Variants in BRAF observed in about 807,000 individuals in gnomAD.
BRAF encodes B-Raf proto-oncogene, serine/threonine kinase, also known as serine/threonine-protein kinase B-raf.
In BRAF, 16 loss-of-function variants were observed where a neutral mutation model predicts 104.6. That is an observed-to-expected ratio of 0.15 (90% CI 0.10 to 0.23). BRAF has a LOEUF of 0.23. BRAF is among the 10% of genes least tolerant of loss of function. The pLI, the probability that BRAF is intolerant of heterozygous loss-of-function variation, is 1.00. For missense variants in BRAF, 541 were observed against 937.3 expected, an observed-to-expected ratio of 0.58 and a Z score of 5.52; for synonymous variants, 310 against 341.6, an observed-to-expected ratio of 0.91 and a Z score of 1.02.
Position 140,724,195 on chromosome 7 carries a change from T to A in BRAF, c.*2299A>T. On this transcript the variant is annotated 3_prime_UTR_variant, in exon 20 of 20. Coordinates refer to ENST00000644969, the MANE Select transcript of BRAF (RefSeq NM_001374258.1). ...AAATGCTAAGCTTCCTCCCTAATGG[T>A]ACCGCCCCTGCCCCTGCCCCACGGA... is the stretch of plus-strand genomic sequence containing the variant. The A allele has an allele frequency of 9.5e-7, 1 of 1,056,298 alleles. No homozygotes were observed. The highest frequency in any genetic ancestry group is 1.1e-6 in the Non-Finnish European group (1 of 873,684). 65.4% of individuals were successfully genotyped at this position (1,056,298 alleles called of 1,614,324 possible). A position where few individuals can be genotyped will look rare whatever the true frequency, so the allele number is the denominator to read the frequency against.
chr7:140,802,238 A>T (rs1373663207), intron 5 of BRAF, among the ~76,000 whole-genome samples: 1 of 150,146 alleles, frequency 6.7e-6, no homozygotes, highest in East Asian at 2.0e-4. Flanking sequence ...TTGCCTAGTG[A>T]TACCTTGAAG....
Position 140,720,727 on chromosome 7 carries a change from T to C in BRAF, c.*5767A>G, listed in dbSNP as rs949736493. The C allele has an allele frequency of 2.6e-4, 279 of 1,065,846 alleles. No individual in the cohort carries two copies. The highest frequency in any genetic ancestry group is 3.1e-4 in the Non-Finnish European group (274 of 879,690). 66.0% of individuals were successfully genotyped at this position (1,065,846 alleles called of 1,614,324 possible). A position where few individuals can be genotyped will look rare whatever the true frequency, so the allele number is the denominator to read the frequency against. Reference sequence around the variant, plus strand: ...CCTACTCTGTGAGCTTTGTTGTTTATGCTAGTTTGCAGTGACTTCCAACTC... The same window carrying C: ...CCTACTCTGTGAGCTTTGTTGTTTACGCTAGTTTGCAGTGACTTCCAACTC... On this transcript the variant is annotated 3_prime_UTR_variant, in exon 20 of 20. Transcript: ENST00000644969.
chr7:140,821,117 AAGT>A (rs1043585913), intron 3 of BRAF, among the ~76,000 whole-genome samples: 49 of 151,902 alleles, frequency 3.2e-4, no homozygotes, highest in African/African-American at 1.2e-3. Context: ...TCAGTCTCCC[AAGT>A]AGCTGGGGCT....
Position 140,777,095 on chromosome 7 carries a change from A to G in BRAF, c.1638-7T>C, listed in dbSNP as rs199745091. 6.2e-6 allele frequency: 10 copies of G among 1,613,512 alleles called. No individual in the cohort carries two copies. Among genetic ancestry groups the G allele is most frequent in the Non-Finnish European group, 8.5e-6 (10 of 1,179,474 alleles). On this transcript the variant is annotated splice_region_variant and splice_polypyrimidine_tract_variant and intron_variant, in intron 13 of 19. Coordinates refer to ENST00000644969, the MANE Select transcript of BRAF (RefSeq NM_001374258.1). ...ATTCACATGTCGTGTTTTCCTGTAC[A>G]AAGAAATGTGACAGTAAACATTAAA...
chr7:140,763,591 C>G (rs1799010817), intron 14 of BRAF, among the ~76,000 whole-genome samples: 1 of 152,084 alleles, frequency 6.6e-6, no homozygotes, highest in Admixed American at 6.5e-5. Context: ...CAAATAGATG[C>G]AATAAAAAAA....
intron 1 of BRAF, among the ~76,000 whole-genome samples, chr7:140,886,119 A>G (rs763205421): frequency 3.9e-5 from 6 of 152,212 alleles, no homozygotes; most frequent in African/African-American, 7.2e-5. Context: ...TGGGCTTGGA[A>G]TAAGTTTATT....
chr7:140,910,265 T>C (rs1254497467), intron 1 of BRAF, among the ~76,000 whole-genome samples: 1 of 152,236 alleles, frequency 6.6e-6, no homozygotes, highest in Non-Finnish European at 1.5e-5. Context: ...CTCCAATTCT[T>C]TGCAAATTCT....
chr7:140,730,933 A>T (rs1795910936), intron 19 of BRAF: 1 of 152,222 alleles, frequency 6.6e-6, no homozygotes, highest in South Asian at 2.1e-4. Flanking sequence ...ATCAATCACT[A>T]CTTGACATTT....
chr7:140,903,880 G>A (rs1815975807), intron 1 of BRAF, among the ~76,000 whole-genome samples: 1 of 152,188 alleles, frequency 6.6e-6, no homozygotes, highest in South Asian at 2.1e-4. Flanking sequence ...ACTACATTTA[G>A]GAGTGGAACC....
Position 140,924,734 on chromosome 7 carries a change from C to A in BRAF, c.-31G>T. 1 of 777,660 alleles carries A rather than the reference C, an allele frequency of 1.3e-6. No individual in the cohort carries two copies. The highest frequency in any genetic ancestry group is 2.1e-6 in the Non-Finnish European group (1 of 481,924). The allele number at this position is 777,660 out of a possible 1,614,324, so 48.2% of individuals were successfully genotyped here. ...AACCGAGAGCCGGGGCCCGAGCGGC[C>A]GCTGTCGGGCGGGGAGGGGGAAGGG... On this transcript the variant is annotated 5_prime_UTR_variant, in exon 1 of 20. Transcript: ENST00000644969. The surrounding 1 kb of genome is among the most constrained non-coding windows in gnomAD (Gnocchi z 4.2).
chr7:140,861,216 G>A (rs1406821775), intron 1 of BRAF, among the ~76,000 whole-genome samples: 2 of 152,154 alleles, frequency 1.3e-5, no homozygotes, highest in African/African-American at 4.8e-5. Context: ...CAAAGAAAAG[G>A]GGTTGTCATT....
intron 19 of BRAF, chr7:140,731,461 G>A (rs754882171): frequency 6.6e-6 from 1 of 152,132 alleles, no homozygotes; most frequent in Non-Finnish European, 1.5e-5. Flanking sequence ...AATCAAATAA[G>A]ACTATAACTG....
At chr7:140,853,309 T>C (rs889282041) in intron 1 of BRAF, among the ~76,000 whole-genome samples, 4 of 151,658 alleles carry the variant, frequency 2.6e-5, no homozygotes, top group African/African-American at 7.3e-5. Flanking sequence ...CCTGGGAAGT[T>C]GAGGCTGCAA....
chr7:140,855,661 T>C (rs987572610), intron 1 of BRAF, among the ~76,000 whole-genome samples: 1 of 151,748 alleles, frequency 6.6e-6, no homozygotes, highest in Non-Finnish European at 1.5e-5. Flanking sequence ...TATATACTTA[T>C]ATATCTTCTA....
intron 18 of BRAF, 36 bp downstream of exon 17, chr7:140,739,776 G>C (rs745516557): frequency 8.1e-6 from 13 of 1,610,238 alleles, no homozygotes; most frequent in African/African-American, 2.7e-5. Flanking sequence ...ATGAATGTTA[G>C]TCTGTTCTTT....
intron 14 of BRAF, chr7:140,758,389 T>A (rs930545458): frequency 3.3e-5 from 5 of 152,182 alleles, no homozygotes; most frequent in Non-Finnish European, 7.3e-5. Flanking sequence ...ATAGGTAAAG[T>A]TCACATATTT....
At chr7:140,753,553 C>T in intron 15 of BRAF, 160 bp from the exon 15 acceptor site, 1 of 566,222 alleles carries the variant, frequency 1.8e-6, no homozygotes, top group Non-Finnish European at 3.1e-6. Context: ...ATAAGTATGT[C>T]TAAAACAATG....
intron 14 of BRAF, among the ~76,000 whole-genome samples, chr7:140,757,390 A>G (rs1326483703): frequency 6.6e-6 from 1 of 152,032 alleles, no homozygotes; most frequent in Non-Finnish European, 1.5e-5. Context: ...CCTAGGTTCA[A>G]GTGATTCTCC....
intron 1 of BRAF, among the ~76,000 whole-genome samples, chr7:140,852,866 C>T (rs1809339371): frequency 6.6e-6 from 1 of 152,176 alleles, no homozygotes; most frequent in African/African-American, 2.4e-5. Flanking sequence ...AGTCTCTTTA[C>T]CTCAGGAAAT....
Sources: allele counts gnomAD v4.1 joint callset (sites outside exome capture counted in the v4.1 genomes callset), GRCh38; gene constraint gnomAD v4.1.1; non-coding constraint Gnocchi (gnomAD v3.1); transcripts MANE v1.5; gene names NCBI Gene and HGNC (gene_info 2026-07-23, HGNC 2026-07-21).